The following CFAP95 variants were observed in gnomAD, a reference collection of about 807,000 sequenced individuals.
CFAP95 encodes cilia and flagella associated protein 95.
At chr9:69,856,082 T>A in the CFAP95 span, among the ~76,000 whole-genome samples, 2 of 152,182 alleles carry the variant, frequency 1.3e-5, no homozygotes, top group African/African-American at 4.8e-5. Context: ...TTTGAGTACA[T>A]CTTATAGTTT....
chr9:69,823,774 G>A, the CFAP95 span, among the ~76,000 whole-genome samples: 1 of 152,202 alleles, frequency 6.6e-6, no homozygotes, highest in African/African-American at 2.4e-5. Flanking sequence ...ATAGATAAAG[G>A]AAAATTACAG....
At chr9:69,897,457 G>T in the CFAP95 span, among the ~76,000 whole-genome samples, 1 of 152,158 alleles carries the variant, frequency 6.6e-6, no homozygotes, top group East Asian at 1.9e-4. Flanking sequence ...AAATTATCCT[G>T]TAATATTAAA....
the CFAP95 span, among the ~76,000 whole-genome samples, chr9:69,825,826 T>G: frequency 6.6e-6 from 1 of 152,154 alleles, no homozygotes; most frequent in Non-Finnish European, 1.5e-5. Context: ...TGGTAACAAG[T>G]GATAATAATT....
the CFAP95 span, among the ~76,000 whole-genome samples, chr9:69,882,060 G>C: frequency 6.7e-6 from 1 of 150,304 alleles, no homozygotes; most frequent in African/African-American, 2.5e-5. Flanking sequence ...ATGTCTCACT[G>C]CAACCGCTGC....
At chr9:69,870,581 C>G in the CFAP95 span, among the ~76,000 whole-genome samples, 14 of 152,218 alleles carry the variant, frequency 9.2e-5, no homozygotes, top group East Asian at 2.1e-3. Context: ...AAGAAAGAAG[C>G]GAAAAAGTAA....
At chr9:69,900,767 G>T in the CFAP95 span, among the ~76,000 whole-genome samples, 3 of 152,190 alleles carry the variant, frequency 2.0e-5, no homozygotes, top group Non-Finnish European at 2.9e-5. Context: ...ATGAGTCTTA[G>T]TGGTTCCCTC....
the CFAP95 span, among the ~76,000 whole-genome samples, chr9:69,826,243 C>T: frequency 6.6e-6 from 1 of 152,160 alleles, no homozygotes; most frequent in Non-Finnish European, 1.5e-5. Flanking sequence ...ACTTCACATT[C>T]ACAGAAGCAC....
chr9:69,873,587 A>G, the CFAP95 span, among the ~76,000 whole-genome samples: 1 of 152,154 alleles, frequency 6.6e-6, no homozygotes, highest in Non-Finnish European at 1.5e-5. Flanking sequence ...TATCTTAAGT[A>G]ATGAATACTG....
the CFAP95 span, chr9:69,858,172 A>C: frequency 1.8e-6 from 1 of 547,328 alleles, no homozygotes. Flanking sequence ...TAAAACAGTA[A>C]ATCCTCACTA....
chr9:69,841,150 T>A, the CFAP95 span, among the ~76,000 whole-genome samples: 19 of 71,288 alleles, frequency 2.7e-4, no homozygotes, highest in African/African-American at 9.0e-4. Context: ...AAGACAGGTA[T>A]AATCCAAGCT....
chr9:69,879,730 A>T, the CFAP95 span, among the ~76,000 whole-genome samples: 2 of 152,238 alleles, frequency 1.3e-5, no homozygotes, highest in South Asian at 4.1e-4. Flanking sequence ...CCAGTCCTTT[A>T]TCCAATTAGA....
the CFAP95 span, among the ~76,000 whole-genome samples, chr9:69,833,506 AT>A: frequency 6.6e-6 from 1 of 152,138 alleles, no homozygotes; most frequent in Non-Finnish European, 1.5e-5. Context: ...TGGCCAAAAT[AT>A]ATACATACTA....
the CFAP95 span, among the ~76,000 whole-genome samples, chr9:69,830,533 C>A: frequency 6.6e-6 from 1 of 152,140 alleles, no homozygotes; most frequent in Non-Finnish European, 1.5e-5. Flanking sequence ...CTACTCAATG[C>A]AATTTTAAAA....
At chr9:69,861,853 A>C in the CFAP95 span, among the ~76,000 whole-genome samples, 1 of 31,208 alleles carries the variant, frequency 3.2e-5, no homozygotes, top group South Asian at 1.4e-3. Context: ...CAGAGTTATC[A>C]GAGACTTGAT....
chr9:69,847,557 T>G, the CFAP95 span, among the ~76,000 whole-genome samples: 23 of 152,202 alleles, frequency 1.5e-4, no homozygotes, highest in Admixed American at 1.5e-3. Context: ...AAAATAGACC[T>G]GATTATTTTT....
chr9:69,906,126 T>C, the CFAP95 span: 1 of 1,596,672 alleles, frequency 6.3e-7, no homozygotes, highest in African/African-American at 1.3e-5. Flanking sequence ...GGGCCTATTG[T>C]GCCAATTTAA....
At chr9:69,869,998 A>G in the CFAP95 span, among the ~76,000 whole-genome samples, 3 of 152,210 alleles carry the variant, frequency 2.0e-5, no homozygotes, top group African/African-American at 7.2e-5. Context: ...AGGTGGCTTC[A>G]CAGGAATAAG....
chr9:69,855,633 G>A, the CFAP95 span, among the ~76,000 whole-genome samples: 1 of 152,286 alleles, frequency 6.6e-6, no homozygotes, highest in Admixed American at 6.5e-5. Flanking sequence ...GAGAAGCCAA[G>A]GATCTAGAGA....
chr9:69,844,702 G>C, the CFAP95 span: 1 of 1,038,878 alleles, frequency 9.6e-7, no homozygotes, highest in African/African-American at 1.6e-5. Flanking sequence ...AGGGAGGAGT[G>C]TTTTGTGCAG....
Sources: allele counts gnomAD v4.1 joint callset (sites outside exome capture counted in the v4.1 genomes callset), GRCh38; gene constraint gnomAD v4.1.1; transcripts MANE v1.5; gene names NCBI Gene and HGNC (gene_info 2026-07-23, HGNC 2026-07-21).